ATRNL1: variants seen among roughly 807,000 people sequenced by gnomAD.
ATRNL1 encodes attractin like 1, also known as attractin-like protein 1.
ATRNL1 carries 95 observed loss-of-function variants against 182.7 expected under a neutral mutation model. The observed-to-expected ratio is 0.52, with a 90% confidence interval of 0.44 to 0.62. The LOEUF (loss-of-function observed/expected upper bound fraction) is 0.62. Among genes scored for constraint, ATRNL1 ranks in the 20% least tolerant of loss-of-function variants. The pLI is 0.00. For missense variants in ATRNL1, 1,471 were observed against 1,679.5 expected (o/e 0.88, Z 2.17); for synonymous variants, 576 against 568.3 (o/e 1.01, Z -0.19).
intron 8 of ATRNL1, among the ~76,000 whole-genome samples, chr10:115,201,712 G>A (rs1384875563): frequency 3.9e-5 from 6 of 151,904 alleles, no homozygotes; most frequent in African/African-American, 1.5e-4. Context: ...TTGGTGATGC[G>A]GGCTCTTTTT....
chr10:115,211,165 C>T (rs1849008741), intron 8 of ATRNL1, among the ~76,000 whole-genome samples: 1 of 151,418 alleles, frequency 6.6e-6, no homozygotes, highest in African/African-American at 2.4e-5. Flanking sequence ...TCTGATGCTC[C>T]AAGCTTCCTT....
chr10:115,772,360 C>T (rs1415671362), intron 27 of ATRNL1, among the ~76,000 whole-genome samples: 1 of 152,052 alleles, frequency 6.6e-6, no homozygotes, highest in African/African-American at 2.4e-5. Context: ...GAAGTGTTCC[C>T]TTACGAAAAC....
chr10:115,337,730 TC>T (rs1855559600), intron 19 of ATRNL1, among the ~76,000 whole-genome samples: 2 of 152,202 alleles, frequency 1.3e-5, no homozygotes, highest in South Asian at 4.1e-4. Flanking sequence ...AGGATCTCAT[TC>T]TTTTTTATGG....
intron 20 of ATRNL1, among the ~76,000 whole-genome samples, chr10:115,413,823 C>T (rs1454683910): frequency 6.6e-6 from 1 of 152,068 alleles, no homozygotes; most frequent in Non-Finnish European, 1.5e-5. Context: ...AGACCAAGAT[C>T]TTGGTGCTAG....
chr10:115,837,863 G>A (rs189515512), intron 27 of ATRNL1, among the ~76,000 whole-genome samples: 131 of 152,260 alleles, frequency 8.6e-4, no homozygotes, highest in Non-Finnish European at 8.7e-4. Flanking sequence ...AAAGTGGAAG[G>A]AAGGGAAAGG....
chr10:115,262,192 A>C (rs1374219901), intron 10 of ATRNL1, among the ~76,000 whole-genome samples: 1 of 150,342 alleles, frequency 6.7e-6, no homozygotes, highest in East Asian at 1.9e-4. Context: ...TTTTTTTGAT[A>C]AACCTTGTAG....
At chr10:115,510,463 G>A (rs1000364446) in intron 24 of ATRNL1, among the ~76,000 whole-genome samples, 1 of 151,972 alleles carries the variant, frequency 6.6e-6, no homozygotes, top group East Asian at 1.9e-4. Context: ...CAACACTGAG[G>A]CAAGACCCTC....
intron 27 of ATRNL1, among the ~76,000 whole-genome samples, chr10:115,747,036 A>T (rs1948312455): frequency 6.6e-6 from 1 of 152,144 alleles, no homozygotes; most frequent in Non-Finnish European, 1.5e-5. Context: ...TAACGCTGTT[A>T]AAGTAAGAAT....
rs150097620 is a variant in ATRNL1, at chr10:115,805,642, AG to A, written c.3904-42232del. ...AACCAAAAAGCACCTTAAACTTGTC[AG>A]GGTTCTGTTTCTTCAGCTGTAGAAG... On this transcript the variant is annotated intron_variant, in intron 27 of 28. Coordinates refer to ENST00000355044, the MANE Select transcript of ATRNL1 (RefSeq NM_207303.4). 9.1e-3 allele frequency among the ~76,000 whole-genome samples: 1,381 copies of A among 152,250 alleles called. 26 individuals carry two copies. Among genetic ancestry groups the A allele is most frequent in the African/African-American group, 0.032 (1,324 of 41,530 alleles).
intron 4 of ATRNL1, among the ~76,000 whole-genome samples, chr10:115,129,001 C>T (rs1322615653): frequency 6.6e-6 from 1 of 151,936 alleles, no homozygotes; most frequent in African/African-American, 2.4e-5. Context: ...AATATACAAT[C>T]AAAACATTGA....
chr10:115,623,204 A>G (rs1400009843), intron 26 of ATRNL1, among the ~76,000 whole-genome samples: 1 of 152,214 alleles, frequency 6.6e-6, no homozygotes, highest in Non-Finnish European at 1.5e-5. Context: ...ATGTATGTAC[A>G]CATACAACAT....
intron 26 of ATRNL1, among the ~76,000 whole-genome samples, chr10:115,615,712 A>G (rs1038659855): frequency 3.9e-5 from 6 of 152,076 alleles, no homozygotes; most frequent in African/African-American, 9.7e-5. Context: ...CCTCCTCGCT[A>G]TCTTTCTTCC....
intron 7 of ATRNL1, among the ~76,000 whole-genome samples, chr10:115,166,229 C>T (rs1554884324): frequency 6.6e-6 from 1 of 152,048 alleles, no homozygotes; most frequent in East Asian, 1.9e-4. Flanking sequence ...TATCATGTGT[C>T]AGAATGTCCT....
At chr10:115,702,823 T>C (rs1411415357) in intron 26 of ATRNL1, among the ~76,000 whole-genome samples, 1 of 151,832 alleles carries the variant, frequency 6.6e-6, no homozygotes, top group Non-Finnish European at 1.5e-5. Context: ...ACTCATGGAT[T>C]GGAAGAATCA....
intron 26 of ATRNL1, among the ~76,000 whole-genome samples, chr10:115,708,972 A>G (rs990466219): frequency 3.3e-5 from 5 of 151,780 alleles, no homozygotes; most frequent in Admixed American, 6.6e-5. Context: ...ATAAATTATG[A>G]TTGTTTACTT....
chr10:115,382,491 A>G (rs1323748557), intron 19 of ATRNL1, among the ~76,000 whole-genome samples: 9 of 151,872 alleles, frequency 5.9e-5, no homozygotes, highest in African/African-American at 1.9e-4. Context: ...GTTTATTGCT[A>G]GTGTATAGAA....
intron 19 of ATRNL1, among the ~76,000 whole-genome samples, chr10:115,373,078 A>G (rs1857479870): frequency 6.6e-6 from 1 of 152,026 alleles, no homozygotes; most frequent in Admixed American, 6.6e-5. Context: ...TATATAGGTC[A>G]TTCACTTCTT....
chr10:115,528,019 TTCCTTCCC>T (rs1181477332), intron 25 of ATRNL1, among the ~76,000 whole-genome samples: 1 of 58,866 alleles, frequency 1.7e-5, no homozygotes, highest in Non-Finnish European at 3.2e-5. Flanking sequence ...CCTTCCTTCC[TTCCTTCCC>T]TCCTTCCTTT....
intron 26 of ATRNL1, among the ~76,000 whole-genome samples, chr10:115,560,548 T>C (rs1853640935): frequency 6.6e-6 from 1 of 152,134 alleles, no homozygotes; most frequent in Non-Finnish European, 1.5e-5. Context: ...ATACTATATG[T>C]TGATGGATTC....
Sources: allele counts gnomAD v4.1 joint callset (sites outside exome capture counted in the v4.1 genomes callset), GRCh38; gene constraint gnomAD v4.1.1; transcripts MANE v1.5; gene names NCBI Gene and HGNC (gene_info 2026-07-23, HGNC 2026-07-21).